The following ZBTB46 variants were observed in gnomAD, a reference collection of about 807,000 sequenced individuals.
ZBTB46 encodes the protein zinc finger and BTB domain containing 46, also known as zinc finger and BTB domain-containing protein 46.
Under a neutral mutation model 44.1 loss-of-function variants are expected in ZBTB46, and 8 were observed. The observed-to-expected ratio is 0.18, with a 90% CI of 0.11 to 0.33. ZBTB46 has a LOEUF of 0.33. Among genes scored for constraint, ZBTB46 ranks in the 10% least tolerant of loss-of-function variants. ZBTB46 has a pLI of 1.00. For synonymous variants in ZBTB46, 409 were observed against 382.3 expected, an observed-to-expected ratio of 1.07 and a Z score of -0.81; for missense variants, 651 against 847.7, an observed-to-expected ratio of 0.77 and a Z score of 2.88.
At chr20:63,794,211 C>G (rs2092583615) in intron 1 of ZBTB46, among the ~76,000 whole-genome samples, 1 of 151,028 alleles carries the variant, frequency 6.6e-6, no homozygotes, top group Admixed American at 6.6e-5. Flanking sequence ...AAAAAGTTAT[C>G]TATCCACTAA....
At chr20:63,748,576 G>A (rs1295268843) in intron 4 of ZBTB46, among the ~76,000 whole-genome samples, 5 of 152,174 alleles carry the variant, frequency 3.3e-5, no homozygotes, top group South Asian at 2.1e-4. Flanking sequence ...TCCAAGGACC[G>A]AGAGGGCAGG....
At chr20:63,807,216 C>T (rs573137545) in intron 1 of ZBTB46, among the ~76,000 whole-genome samples, 1 of 152,068 alleles carries the variant, frequency 6.6e-6, no homozygotes, top group Non-Finnish European at 1.5e-5. Context: ...GATTCAATTT[C>T]TTTATTGAAA....
intron 1 of ZBTB46, among the ~76,000 whole-genome samples, chr20:63,822,360 G>A (rs976790261): frequency 3.3e-5 from 5 of 152,130 alleles, no homozygotes; most frequent in Non-Finnish European, 7.3e-5. Flanking sequence ...ATGTGACACG[G>A]GCCCCCAATG....
intron 2 of ZBTB46, among the ~76,000 whole-genome samples, chr20:63,781,430 T>C (rs2092469260): frequency 6.6e-6 from 1 of 152,120 alleles, no homozygotes; most frequent in South Asian, 2.1e-4. Context: ...CAAAAAGACC[T>C]GGACAGACAC....
intron 1 of ZBTB46, among the ~76,000 whole-genome samples, chr20:63,797,413 T>C (rs866903824): frequency 1.3e-4 from 20 of 152,296 alleles, no homozygotes; most frequent in Middle Eastern, 3.4e-3. Flanking sequence ...TGATGGATGT[T>C]TGGGTTGGTT....
intron 3 of ZBTB46, among the ~76,000 whole-genome samples, chr20:63,764,368 A>G (rs6512287): frequency 0.85 from 129,075 of 151,644 alleles, 55,491 homozygotes; most frequent in African/African-American, 0.95. Flanking sequence ...CTCGGGAGGC[A>G]GAGGTTGCAG....
chr20:63,831,362 C>T (rs2092851096), upstream of ZBTB46: 1 of 141,538 alleles, frequency 7.1e-6, no homozygotes, highest in Non-Finnish European at 1.6e-5. Context: ...GCCCGGCCGC[C>T]GCTGATTGGC....
chr20:63,771,050 A>G (rs6011103), intron 3 of ZBTB46, among the ~76,000 whole-genome samples: 988 of 82,636 alleles, frequency 0.012, no homozygotes, highest in African/African-American at 0.02. Flanking sequence ...CCGGCACAGC[A>G]GCCACGCCGC....
In ZBTB46 at chr20:63,746,741, G is replaced by A. The variant is rs2092093108; in HGVS notation, c.*189C>T. ...AACTCACTTCATGTCTGGTCCCAGA[G>A]CACCCCTCTTGCTGGGGTCGCACCT... On this transcript the variant is annotated 3_prime_UTR_variant, in exon 5 of 5. Transcript: ENST00000245663. 1.1e-6 allele frequency: 1 copy of A among 877,838 alleles called. No individual in the cohort carries two copies. 54.4% of individuals were successfully genotyped at this position (877,838 alleles called of 1,614,324 possible).
intron 1 of ZBTB46, among the ~76,000 whole-genome samples, chr20:63,813,963 G>A (rs557573462): frequency 3.9e-5 from 6 of 152,278 alleles, no homozygotes; most frequent in African/African-American, 1.4e-4. Context: ...GGCCGGGCGC[G>A]GTGGCTCACG....
chr20:63,772,649 G>A (rs1488339683), intron 3 of ZBTB46, among the ~76,000 whole-genome samples: 1 of 152,028 alleles, frequency 6.6e-6, no homozygotes, highest in Non-Finnish European at 1.5e-5. Context: ...AGCCCGGGAG[G>A]CAGAGGCTGC....
intron 2 of ZBTB46, among the ~76,000 whole-genome samples, chr20:63,785,491 C>A (rs2092507436): frequency 6.6e-6 from 1 of 151,724 alleles, no homozygotes; most frequent in African/African-American, 2.4e-5. Context: ...ACCCAGGAAG[C>A]GGAGGCTGCA....
chr20:63,819,300 C>T (rs6011154), intron 1 of ZBTB46, among the ~76,000 whole-genome samples: 2 of 152,026 alleles, frequency 1.3e-5, no homozygotes, highest in Non-Finnish European at 2.9e-5. Flanking sequence ...GAACAGAGAG[C>T]GCACCCGGGA....
In ZBTB46 at chr20:63,752,639, T is replaced by A. The variant is rs746757100; in HGVS notation, c.1398+47A>T. 51 of 1,459,588 alleles carry A rather than the reference T, an allele frequency of 3.5e-5. No individual in the cohort carries two copies. The highest frequency in any genetic ancestry group is 1.1e-5 in the Non-Finnish European group (12 of 1,103,710). The allele number at this position is 1,459,588 out of a possible 1,614,324, so 90.4% of individuals were successfully genotyped here. On this transcript the variant is annotated intron_variant, in intron 4 of 4. Coordinates refer to ENST00000245663, the MANE Select transcript of ZBTB46 (RefSeq NM_001369741.1). The surrounding 1 kb of genome is among the most constrained non-coding windows in gnomAD (Gnocchi z 5.6). ...TCATCAGGACCCGCCTGCCCGGACA[T>A]CGTGGCCACGCGCAGCGCGCGGCAC...
intron 3 of ZBTB46, among the ~76,000 whole-genome samples, chr20:63,770,783 G>A (rs2092362688): frequency 6.6e-6 from 1 of 152,326 alleles, no homozygotes; most frequent in South Asian, 2.1e-4. Context: ...TACCGCAAAG[G>A]GGCAGTGGAC....
Position 63,746,999 on chromosome 20 carries a change from A to C in ZBTB46, c.1701T>G (p.Asp567Glu). The change falls in exon 5 of 5, where the codon GAT (aspartate) becomes GAG (glutamate). Residue 567 changes from aspartate (D) to glutamate (E), a missense_variant. Physicochemically the swap from Asp to Glu is conservative, Grantham distance 45. Transcript: ENST00000245663. ...PEDALLADDK[D>E]EEDSPRPRSP... ...TGCGCGGCCGCGGCGAGTCTTCCTCATCCTTGTCGTCCGCCAACAGCGCAT... is the reference window on the plus strand; with the variant it reads ...TGCGCGGCCGCGGCGAGTCTTCCTCCTCCTTGTCGTCCGCCAACAGCGCAT... 6.2e-7 allele frequency: 1 copy of C among 1,607,588 alleles called. No individual in the cohort carries two copies. The highest frequency in any genetic ancestry group is 8.5e-7 in the Non-Finnish European group (1 of 1,179,476).
At chr20:63,816,875 C>T (rs1226477709) in intron 1 of ZBTB46, among the ~76,000 whole-genome samples, 3 of 152,136 alleles carry the variant, frequency 2.0e-5, no homozygotes, top group Admixed American at 1.3e-4. Flanking sequence ...AAGGCTGAGG[C>T]GGGCAGATCA....
chr20:63,806,493 C>T (rs1001414293), intron 1 of ZBTB46, among the ~76,000 whole-genome samples: 1 of 151,554 alleles, frequency 6.6e-6, no homozygotes, highest in Non-Finnish European at 1.5e-5. Flanking sequence ...ATCTGAGATA[C>T]TGCTATGGCT....
chr20:63,746,101 G>C lies in ZBTB46; in HGVS notation c.*829C>G, dbSNP rs1025244841. The C allele has an allele frequency of 6.5e-6, 1 of 152,776 alleles. No homozygotes were observed. Among genetic ancestry groups the C allele is most frequent in the South Asian group, 2.1e-4 (1 of 4,836 alleles). The allele number at this position is 152,776 out of a possible 1,614,324, so 9.5% of individuals were successfully genotyped here. A position where few individuals can be genotyped will look rare whatever the true frequency, so the allele number is the denominator to read the frequency against. On this transcript the variant is annotated 3_prime_UTR_variant, in exon 5 of 5. Transcript: ENST00000245663. Reference sequence around the variant, plus strand: ...CCGTCCAGGAGGGGTCAGCAGGAGCGGCCGGGCTGGGCCATGGGCAGAACA... The same window carrying C: ...CCGTCCAGGAGGGGTCAGCAGGAGCCGCCGGGCTGGGCCATGGGCAGAACA...
Sources: gnomAD v4.1 joint callset for allele counts (sites outside exome capture counted in the v4.1 genomes callset) on GRCh38, gnomAD v4.1.1 for gene constraint, Gnocchi (gnomAD v3.1) non-coding constraint, MANE v1.5 for transcripts, NCBI Gene and HGNC (gene_info 2026-07-23, HGNC 2026-07-21) for gene names.